The following XK variants were observed in gnomAD, a reference collection of about 807,000 sequenced individuals.
XK encodes X-linked Kx blood group antigen, Kell and VPS13A binding protein.
XK carries 2 observed loss-of-function variants against 14.0 expected under a neutral mutation model. The observed-to-expected ratio is 0.14, with a 90% CI of 0.06 to 0.45. The LOEUF (loss-of-function observed/expected upper bound fraction) is 0.45. Among genes scored for constraint, XK ranks in the 20% least tolerant of loss-of-function variants. XK has a pLI of 0.98. For synonymous variants in XK, 149 were observed against 147.5 expected (o/e 1.01, Z -0.08); for missense variants, 235 against 341.5 (o/e 0.69, Z 2.46).
intron 2 of XK, among the ~76,000 whole-genome samples, chrX:37,715,024 GTA>G (rs782247090): frequency 2.8e-5 from 3 of 106,978 alleles, no homozygotes; most frequent in East Asian, 5.8e-4. Flanking sequence ...TATAGTGTGT[GTA>G]TATATATATA....
At chrX:37,690,294 G>C (rs1420833360) in intron 1 of XK, among the ~76,000 whole-genome samples, 1 of 111,820 alleles carries the variant, frequency 8.9e-6, no homozygotes, top group Admixed American at 9.5e-5. Context: ...GCTTTTCAAA[G>C]GTTTTGCAGC....
intron 2 of XK, among the ~76,000 whole-genome samples, chrX:37,709,418 A>G (rs1362145295): frequency 2.7e-5 from 3 of 112,143 alleles, no homozygotes; most frequent in Non-Finnish European, 3.8e-5. Flanking sequence ...ATTATTTTAA[A>G]TATTTAACAG....
At chrX:37,702,943 T>C (rs782681854) in intron 2 of XK, among the ~76,000 whole-genome samples, 1 of 112,422 alleles carries the variant, frequency 8.9e-6, no homozygotes, top group South Asian at 3.7e-4. Flanking sequence ...GCCACTCATA[T>C]TTGACTTGTC....
rs1569472877 is a variant in XK at position 37,694,179 on chromosome X, T to G, written c.246-107T>G. On this transcript the variant is annotated intron_variant, in intron 1 of 2. Coordinates refer to ENST00000378616, the MANE Select transcript of XK (RefSeq NM_021083.4). ...TTAGAAGAGTGACTATAGTTCAGAGTAGCCAAGTCAAGGCTTTAAGAATCA... is the reference window on the plus strand; with the variant it reads ...TTAGAAGAGTGACTATAGTTCAGAGGAGCCAAGTCAAGGCTTTAAGAATCA... 4 of 1,032,555 alleles carry G rather than the reference T, an allele frequency of 3.9e-6. No individual in the cohort carries two copies. In the East Asian group the frequency reaches 1.3e-4, roughly 33 times the overall value. The allele number at this position is 1,032,555 out of a possible 1,213,427, so 85.1% of individuals were successfully genotyped here.
At chrX:37,692,996 C>A (rs1010027899) in intron 1 of XK, among the ~76,000 whole-genome samples, 3 of 110,752 alleles carry the variant, frequency 2.7e-5, no homozygotes, top group Non-Finnish European at 5.7e-5. Context: ...ACACACCATA[C>A]ACCTTCTTTC....
intron 2 of XK, among the ~76,000 whole-genome samples, chrX:37,714,890 G>A (rs1556447472): frequency 2.7e-5 from 3 of 111,229 alleles, no homozygotes; most frequent in Non-Finnish European, 5.7e-5. Flanking sequence ...TGCTGTATCA[G>A]CTAGCTATTG....
rs1602150573 is a variant in XK, at chrX:37,706,264, TATTA to T, written c.508+11722_508+11725del. Among the ~76,000 whole-genome samples the T allele has an allele frequency of 3.6e-5, 4 of 112,061 alleles. No homozygotes were observed. In the South Asian group the frequency reaches 1.5e-3, roughly 41 times the overall value. The stretch of plus-strand genomic sequence containing the variant: ...CATGAATGGTTGTAGCTTGGCTATC[TATTA>T]ATTAAAGTGACAGTACAATGTTTAG... On this transcript the variant is annotated intron_variant, in intron 2 of 2. Transcript: ENST00000378616.
chrX:37,697,660 C>CA (rs1927328681), intron 2 of XK, among the ~76,000 whole-genome samples: 1 of 112,206 alleles, frequency 8.9e-6, no homozygotes, highest in East Asian at 2.8e-4. Context: ...TGTTTTTCTT[C>CA]ATTGCAATAT....
At position 37,685,861 on chromosome X, in the gene XK, C is replaced by G; in HGVS notation, c.-101C>G. The G allele has an allele frequency of 1.0e-6, 1 of 959,741 alleles. No homozygotes were observed. The allele number at this position is 959,741 out of a possible 1,213,427, so 79.1% of individuals were successfully genotyped here. ...CGCAGAGCGCGGGAGCGGTTTGGGG[C>G]TGGGCATGCTGGGAGCCCCTCGGGC... is the stretch of plus-strand genomic sequence containing the variant. On this transcript the variant is annotated 5_prime_UTR_variant, in exon 1 of 3. Transcript: ENST00000378616.
chrX:37,724,879 G>A (rs1166089781), intron 2 of XK, among the ~76,000 whole-genome samples: 2 of 110,815 alleles, frequency 1.8e-5, no homozygotes, highest in African/African-American at 6.5e-5. Flanking sequence ...TGGACAAGAT[G>A]GCAAATAAGC....
intron 2 of XK, among the ~76,000 whole-genome samples, chrX:37,704,593 T>C (rs975953475): frequency 9.0e-6 from 1 of 111,032 alleles, no homozygotes; most frequent in Non-Finnish European, 1.9e-5. Flanking sequence ...CCCAGCACTT[T>C]GGGAGGCCAA....
chrX:37,713,383 A>G (rs782583825), intron 2 of XK, among the ~76,000 whole-genome samples: 7 of 111,645 alleles, frequency 6.3e-5, no homozygotes, highest in Non-Finnish European at 1.1e-4. Flanking sequence ...TGTCCTGGAA[A>G]CCAGAATCAT....
intron 2 of XK, among the ~76,000 whole-genome samples, chrX:37,699,014 T>C (rs1225829976): frequency 2.7e-5 from 3 of 112,535 alleles, no homozygotes; most frequent in Non-Finnish European, 5.6e-5. Context: ...CTGATGAGTT[T>C]TAAGCAACAA....
chrX:37,689,157 T>G (rs1404603328), intron 1 of XK, among the ~76,000 whole-genome samples: 1 of 110,353 alleles, frequency 9.1e-6, no homozygotes, highest in Non-Finnish European at 1.9e-5. Flanking sequence ...CAACAAGGAG[T>G]CACTGATTCT....
rs1167432036 is a variant in XK at position 37,715,899 on chromosome X, C to G, written c.509-11737C>G. Among the ~76,000 whole-genome samples the G allele has an allele frequency of 2.0e-4, 22 of 111,283 alleles. No individual in the cohort carries two copies. In the Admixed American group the frequency reaches 2.1e-3, roughly 11 times the overall value. ...TCCAAATGGGCCAGGGGGGAGAATGCTTCCATCCACCCACCAAGAGTTTTC... is the reference window on the plus strand; with the variant it reads ...TCCAAATGGGCCAGGGGGGAGAATGGTTCCATCCACCCACCAAGAGTTTTC... On this transcript the variant is annotated intron_variant, in intron 2 of 2. Transcript: ENST00000378616.
At chrX:37,708,569 A>C (rs1927598576) in intron 2 of XK, among the ~76,000 whole-genome samples, 2 of 112,299 alleles carry the variant, frequency 1.8e-5, no homozygotes, top group African/African-American at 3.2e-5. Flanking sequence ...ATAGGAAACA[A>C]ATTTACGCCA....
chrX:37,705,289 C>CAA (rs5902157), intron 2 of XK, among the ~76,000 whole-genome samples: 3 of 98,953 alleles, frequency 3.0e-5, no homozygotes, highest in Non-Finnish European at 6.2e-5. Flanking sequence ...ACTAAAAATA[C>CAA]AAAAAAAAAA....
At position 37,730,203 on chromosome X, in the gene XK, T is replaced by G. The variant is rs1928059727; in HGVS notation, c.*1741T>G. On this transcript the variant is annotated 3_prime_UTR_variant, in exon 3 of 3. Transcript: ENST00000378616. ...AATAAGAATAACACTCAAGACTATGTTCTCCATCCCAACACATCACTTACC... is the reference window on the plus strand; with the variant it reads ...AATAAGAATAACACTCAAGACTATGGTCTCCATCCCAACACATCACTTACC... 1 of 111,967 alleles carries G rather than the reference T, an allele frequency of 8.9e-6. No homozygotes were observed. Among genetic ancestry groups the G allele is most frequent in the Non-Finnish European group, 1.9e-5 (1 of 53,163 alleles). The allele number at this position is 111,967 out of a possible 1,213,427, so 9.2% of individuals were successfully genotyped here. A position where few individuals can be genotyped will look rare whatever the true frequency, so the allele number is the denominator to read the frequency against.
rs1928015813 is a variant in XK, at chrX:37,728,155, A to G, written c.1028A>G (p.Tyr343Cys). ...TGGTATCTTTTCAAGACTGACATCT[A>G]TATGTATGTGTGCGCACCTCTGTTG... ...LLWYLFKTDIYMYVCAPLLVL... is the reference protein window; with the variant it reads ...LLWYLFKTDICMYVCAPLLVL... Residue 343 changes from tyrosine (Y) to cysteine (C), a missense_variant, in exon 3 of 3, where the codon TAT becomes TGT. Physicochemically the swap from Tyr to Cys is radical, Grantham distance 194. Coordinates refer to ENST00000378616, the MANE Select transcript of XK (RefSeq NM_021083.4). 1.1e-5 allele frequency: 13 copies of G among 1,211,340 alleles called. No homozygotes were observed. Among genetic ancestry groups the G allele is most frequent in the South Asian group, 1.8e-5 (1 of 56,969 alleles).
Sources: allele counts gnomAD v4.1 joint callset (sites outside exome capture counted in the v4.1 genomes callset), GRCh38; gene constraint gnomAD v4.1.1; transcripts MANE v1.5; gene names NCBI Gene and HGNC (gene_info 2026-07-23, HGNC 2026-07-21).